Variants in OSBPL6 observed in about 807,000 individuals in gnomAD.
The protein encoded by OSBPL6 is oxysterol-binding protein-related protein 6.
A neutral mutation model predicts 125.8 loss-of-function variants in OSBPL6; 49 were observed. The ratio of observed to expected loss-of-function variants is 0.39; its 90% CI spans 0.31 to 0.49. The LOEUF (loss-of-function observed/expected upper bound fraction) is 0.49. Among genes scored for constraint, OSBPL6 ranks in the 20% least tolerant of loss-of-function variants. OSBPL6 has a pLI of 0.88. For missense variants in OSBPL6, 986 were observed against 1,135.4 expected (o/e 0.87, Z 1.89); for synonymous variants, 394 against 391.8 (o/e 1.01, Z -0.07).
intron 12 of OSBPL6, among the ~76,000 whole-genome samples, chr2:178,358,135 G>A (rs1011244036): frequency 6.6e-6 from 1 of 152,118 alleles, no homozygotes; most frequent in Non-Finnish European, 1.5e-5. Context: ...TAATGTAAAT[G>A]ATGAGTTGAT....
chr2:178,202,638 A>G (rs1312716797), intron 1 of OSBPL6, among the ~76,000 whole-genome samples: 2 of 152,100 alleles, frequency 1.3e-5, no homozygotes, highest in South Asian at 2.1e-4. Context: ...CCTGGCCAAC[A>G]TGGTGAAACC....
chr2:178,210,997 C>T (rs183318400), intron 1 of OSBPL6, among the ~76,000 whole-genome samples: 49 of 151,816 alleles, frequency 3.2e-4, no homozygotes, highest in Non-Finnish European at 4.3e-4. Context: ...GATATAAAAT[C>T]GAGGCTAGGT....
At chr2:178,204,870 A>C (rs533334752) in intron 1 of OSBPL6, among the ~76,000 whole-genome samples, 27 of 152,262 alleles carry the variant, frequency 1.8e-4, no homozygotes, top group African/African-American at 6.0e-4. Flanking sequence ...TCATTGACTG[A>C]TTCCTTTTTG....
intron 3 of OSBPL6, among the ~76,000 whole-genome samples, chr2:178,321,098 C>A (rs1402940472): frequency 6.6e-6 from 1 of 152,174 alleles, no homozygotes; most frequent in Non-Finnish European, 1.5e-5. Flanking sequence ...TTGTAGTGAG[C>A]TGAGATTGTG....
intron 1 of OSBPL6, among the ~76,000 whole-genome samples, chr2:178,213,838 T>C (rs2089974610): frequency 6.6e-6 from 1 of 152,164 alleles, no homozygotes; most frequent in Admixed American, 6.5e-5. Flanking sequence ...TGCACATGTG[T>C]CTGCTGTGAC....
intron 1 of OSBPL6, among the ~76,000 whole-genome samples, chr2:178,257,829 C>G (rs2091934040): frequency 6.8e-6 from 1 of 146,078 alleles, no homozygotes; most frequent in East Asian, 2.0e-4. Flanking sequence ...AGATCTTGCT[C>G]TTTTTTTTGA....
chr2:178,357,006 TA>T (rs1691855634), intron 12 of OSBPL6, among the ~76,000 whole-genome samples: 1 of 152,178 alleles, frequency 6.6e-6, no homozygotes, highest in African/African-American at 2.4e-5. Flanking sequence ...CCCTATTTAA[TA>T]AATGGTGCTG....
chr2:178,325,328 A>G (rs1328092959), intron 4 of OSBPL6, among the ~76,000 whole-genome samples: 4 of 152,232 alleles, frequency 2.6e-5, no homozygotes, highest in Admixed American at 2.6e-4. Flanking sequence ...TAATCCTTTT[A>G]GAAAAGAACA....
At chr2:178,310,700 A>T (rs1342071235) in intron 3 of OSBPL6, among the ~76,000 whole-genome samples, 1 of 151,924 alleles carries the variant, frequency 6.6e-6, no homozygotes, top group Non-Finnish European at 1.5e-5. Flanking sequence ...TACAGGCGTG[A>T]GCCACCGCAC....
At chr2:178,312,215 G>A (rs1687344308) in intron 3 of OSBPL6, among the ~76,000 whole-genome samples, 1 of 142,978 alleles carries the variant, frequency 7.0e-6, no homozygotes, top group South Asian at 2.2e-4. Context: ...AGGCTGGAGT[G>A]TAATGGCACA....
intron 1 of OSBPL6, among the ~76,000 whole-genome samples, chr2:178,245,408 C>T (rs192742373): frequency 2.6e-4 from 39 of 152,286 alleles, no homozygotes; most frequent in African/African-American, 9.1e-4. Context: ...TGCTGGAAAC[C>T]TACCCCAGGT....
intron 12 of OSBPL6, among the ~76,000 whole-genome samples, chr2:178,351,901 A>C (rs571802930): frequency 2.6e-5 from 4 of 152,302 alleles, no homozygotes; most frequent in Admixed American, 2.6e-4. Flanking sequence ...TGGGCTTAAT[A>C]CCTGAGTGAT....
Position 178,401,248 on chromosome 2 carries a change from A to G in OSBPL6, c.*5689A>G, listed in dbSNP as rs913275488. 6.6e-6 allele frequency: 1 copy of G among 152,242 alleles called. No individual in the cohort carries two copies. Among genetic ancestry groups the G allele is most frequent in the African/African-American group, 2.4e-5 (1 of 41,460 alleles). 9.4% of individuals were successfully genotyped at this position (152,242 alleles called of 1,614,324 possible). On this transcript the variant is annotated 3_prime_UTR_variant, in exon 25 of 25. Transcript: ENST00000190611. ...ATGATGATGATCAGGGAAGTAGCCT[A>G]TGCTGATTTATTTATCATCCCCCCA... is the stretch of plus-strand genomic sequence containing the variant.
intron 1 of OSBPL6, among the ~76,000 whole-genome samples, chr2:178,221,304 G>T (rs1171453211): frequency 6.6e-6 from 1 of 152,094 alleles, no homozygotes; most frequent in African/African-American, 2.4e-5. Flanking sequence ...GTGACCACAG[G>T]GTATTGTCAG....
intron 2 of OSBPL6, among the ~76,000 whole-genome samples, chr2:178,302,027 A>G (rs1445463959): frequency 6.6e-6 from 1 of 152,218 alleles, no homozygotes; most frequent in Non-Finnish European, 1.5e-5. Context: ...GCCCAGGGCA[A>G]GTGGTCCCCA....
intron 1 of OSBPL6, 37 bp from the exon 2 acceptor site, chr2:178,284,890 A>G: frequency 2.5e-6 from 1 of 396,056 alleles, no homozygotes; most frequent in Middle Eastern, 6.4e-4. Flanking sequence ...AAAGTTTTGT[A>G]AAGATGTACT....
chr2:178,194,444 G>C (rs1002692464), upstream of OSBPL6: 2 of 151,972 alleles, frequency 1.3e-5, no homozygotes, highest in African/African-American at 4.8e-5. Context: ...AGCGCGCCCC[G>C]CCCGTGGGAG....
chr2:178,258,503 T>C (rs541155871), intron 1 of OSBPL6, among the ~76,000 whole-genome samples: 1 of 152,280 alleles, frequency 6.6e-6, no homozygotes, highest in East Asian at 1.9e-4. Context: ...ACGACAATTA[T>C]TGATATCCCA....
At chr2:178,236,756 T>C (rs796462693) in intron 1 of OSBPL6, among the ~76,000 whole-genome samples, 13 of 152,342 alleles carry the variant, frequency 8.5e-5, no homozygotes, top group African/African-American at 3.1e-4. Flanking sequence ...AACATTGTCT[T>C]AACCTTCATG....
Sources: gnomAD v4.1 joint callset for allele counts (sites outside exome capture counted in the v4.1 genomes callset) on GRCh38, gnomAD v4.1.1 for gene constraint, MANE v1.5 for transcripts, NCBI Gene and HGNC (gene_info 2026-07-23, HGNC 2026-07-21) for gene names.